Variants in CYP4F12 observed in about 807,000 individuals in gnomAD.
CYP4F12 encodes cytochrome P450 4F12.
A neutral mutation model predicts 56.5 loss-of-function variants in CYP4F12; 60 were observed. The observed-to-expected ratio is 1.06, with a 90% CI of 0.86 to 1.32. The LOEUF (loss-of-function observed/expected upper bound fraction) is 1.32, where lower values mean the gene tolerates loss of function less well. Ranked by LOEUF, CYP4F12 falls within the 40% of genes most tolerant of loss-of-function variation. CYP4F12 has a pLI of 0.00. For missense variants in CYP4F12, 711 were observed against 683.5 expected (o/e 1.04, Z -0.45); for synonymous variants, 263 against 264.9 (o/e 0.99, Z 0.07).
intron 6 of CYP4F12, 65 bp downstream of exon 6, chr19:15,682,575 G>A (rs1041947181): frequency 1.5e-5 from 24 of 1,600,876 alleles, no homozygotes; most frequent in Non-Finnish European, 1.9e-5. Flanking sequence ...TGGGGAGGGA[G>A]GAATGAGCAA....
At chr19:15,687,139 T>C (rs2007651055) in intron 9 of CYP4F12, among the ~76,000 whole-genome samples, 1 of 152,116 alleles carries the variant, frequency 6.6e-6, no homozygotes, top group Admixed American at 6.5e-5. Context: ...TAGCCGGGCG[T>C]GATGGCAGGT....
chr19:15,686,014 CT>C (rs1258432720), intron 9 of CYP4F12, among the ~76,000 whole-genome samples: 1 of 152,198 alleles, frequency 6.6e-6, no homozygotes, highest in East Asian at 1.9e-4. Context: ...CTCTGGAGAC[CT>C]GGAAAGAACC....
At chr19:15,687,075 A>G (rs1599982246) in intron 9 of CYP4F12, among the ~76,000 whole-genome samples, 2 of 152,184 alleles carry the variant, frequency 1.3e-5, no homozygotes, top group South Asian at 4.1e-4. Context: ...CAGGAGATCG[A>G]GACCATCCTG....
At chr19:15,676,932 C>CT (rs1568413782) in intron 2 of CYP4F12, among the ~76,000 whole-genome samples, 3 of 62,390 alleles carry the variant, frequency 4.8e-5, no homozygotes, top group African/African-American at 1.6e-4. Flanking sequence ...CATTCCTCTC[C>CT]CCACTCACTC....
chr19:15,695,705 C>T (rs1204082436), intron 9 of CYP4F12, among the ~76,000 whole-genome samples: 18 of 152,106 alleles, frequency 1.2e-4, no homozygotes. Context: ...CCGCTGGCTT[C>T]TGGGTGTTTT....
rs2007505778 is a variant in CYP4F12, at chr19:15,684,755, T to TG, written c.919-61_919-60insG. 7.8e-5 allele frequency: 107 copies of TG among 1,373,562 alleles called. No homozygotes were observed. The South Asian group carries it at 1.2e-3, about 15-fold the overall frequency. The allele number at this position is 1,373,562 out of a possible 1,614,324, so 85.1% of individuals were successfully genotyped here. A position where few individuals can be genotyped will look rare whatever the true frequency, so the allele number is the denominator to read the frequency against. On this transcript the variant is annotated intron_variant, in intron 7 of 12. Coordinates refer to ENST00000550308, the MANE Select transcript of CYP4F12 (RefSeq NM_023944.4). ...CTCCGGAGTCTCAGAGATAGTATAA[T>TG]TTGTGTGTGTGTGTGTGTGTGTGTG...
intron 7 of CYP4F12, 79 bp downstream of exon 7, chr19:15,683,842 A>T (rs2007452898): frequency 1.4e-6 from 2 of 1,478,030 alleles, no homozygotes; most frequent in Non-Finnish European, 1.8e-6. Flanking sequence ...ATTGGTTTTG[A>T]TCCAAAGGGC....
intron 11 of CYP4F12, 79 bp downstream of exon 11, chr19:15,696,304 T>C: frequency 1.9e-6 from 3 of 1,611,570 alleles, no homozygotes; most frequent in Middle Eastern, 1.7e-4. Flanking sequence ...AGGTTCCTAG[T>C]GGAGGGGGCA....
chr19:15,680,672 A>T, intron 5 of CYP4F12, 153 bp downstream of exon 5: 1 of 989,670 alleles, frequency 1.0e-6, no homozygotes. Flanking sequence ...TGGGGATGAT[A>T]ATCCCTACTT....
intron 9 of CYP4F12, among the ~76,000 whole-genome samples, chr19:15,695,099 A>G (rs1337415257): frequency 6.6e-6 from 1 of 152,068 alleles, no homozygotes; most frequent in East Asian, 1.9e-4. Context: ...CTTGGAACCA[A>G]CCCAAATGTC....
At chr19:15,696,768 G>T in intron 12 of CYP4F12, 140 bp from the exon 13 acceptor site, 1 of 1,211,816 alleles carries the variant, frequency 8.3e-7, no homozygotes, top group Non-Finnish European at 1.1e-6. Context: ...GCCCACATGG[G>T]AGTCCCAGGC....
At chr19:15,674,689 C>CACTCA (rs71176764) in intron 2 of CYP4F12, among the ~76,000 whole-genome samples, 2 of 135,390 alleles carry the variant, frequency 1.5e-5, no homozygotes, top group African/African-American at 2.7e-5. Context: ...TCATTCCTCT[C>CACTCA]CTCATTCACT....
rs2007215777 is a variant in CYP4F12 at position 15,680,317 on chromosome 19, AGG to A, written c.397+23_397+24del. 1.2e-6 allele frequency: 2 copies of A among 1,613,022 alleles called. No individual in the cohort carries two copies. ...GGCTGGGTGAGTACCTGCAGGTGAA[AGG>A]GGTTGGGGACAACCTTGCGGGGAGG... On this transcript the variant is annotated intron_variant, in intron 4 of 12. Coordinates refer to ENST00000550308, the MANE Select transcript of CYP4F12 (RefSeq NM_023944.4).
chr19:15,677,129 AT>A (rs2006990711), intron 2 of CYP4F12, among the ~76,000 whole-genome samples: 1 of 15,984 alleles, frequency 6.3e-5, no homozygotes, highest in Non-Finnish European at 1.3e-4. Flanking sequence ...ACTCATTCAT[AT>A]CCTCACTCAC....
intron 9 of CYP4F12, among the ~76,000 whole-genome samples, chr19:15,686,570 A>T (rs2007616993): frequency 6.6e-6 from 1 of 152,110 alleles, no homozygotes; most frequent in South Asian, 2.1e-4. Context: ...AGAGAAAGGA[A>T]CTGAGTTGTG....
rs776057958 is a variant in CYP4F12 at position 15,673,535 on chromosome 19, G to A, written c.6G>A (p.Ser2=). ...CATCCCCTCTGCCCTGCAGGATGTC[G>A]CTGCTGAGCCTGCCCTGGCTGGGCC... The part of the protein sequence containing the change: M[S]LLSLPWLGLR... The change falls in exon 2 of 13, where the codon TCG becomes TCA. Residue 2 remains serine, a synonymous_variant. Transcript: ENST00000550308. 1.4e-5 allele frequency: 23 copies of A among 1,613,108 alleles called. No individual in the cohort carries two copies. The highest frequency in any genetic ancestry group is 1.6e-4 in the Middle Eastern group (1 of 6,078).
intron 9 of CYP4F12, among the ~76,000 whole-genome samples, chr19:15,686,354 G>T (rs1433376471): frequency 1.3e-5 from 2 of 152,206 alleles, no homozygotes; most frequent in Non-Finnish European, 2.9e-5. Flanking sequence ...GTAGGTGTTT[G>T]GATGCAGTAG....
intron 9 of CYP4F12, among the ~76,000 whole-genome samples, chr19:15,689,651 T>C (rs1000017416): frequency 1.3e-5 from 2 of 152,186 alleles, no homozygotes; most frequent in African/African-American, 2.4e-5. Context: ...CACATGCACA[T>C]GCATGCTTAT....
Position 15,673,556 on chromosome 19 carries a change from G to A in CYP4F12, c.27G>A (p.Leu9=), listed in dbSNP as rs1442877747. ...TGTCGCTGCTGAGCCTGCCCTGGCT[G>A]GGCCTCAGACCGGTGGCAACGTCCC... MSLLSLPW[L]GLRPVATSPW... The change falls in exon 2 of 13, where the codon CTG becomes CTA. Residue 9 remains leucine, a synonymous_variant. Transcript: ENST00000550308. 3 of 1,613,996 alleles carry A rather than the reference G, an allele frequency of 1.9e-6. No individual in the cohort carries two copies. Among genetic ancestry groups the A allele is most frequent in the Admixed American group, 3.3e-5 (2 of 60,024 alleles).
Sources: allele counts gnomAD v4.1 joint callset (sites outside exome capture counted in the v4.1 genomes callset), GRCh38; gene constraint gnomAD v4.1.1; transcripts MANE v1.5; gene names NCBI Gene and HGNC (gene_info 2026-07-23, HGNC 2026-07-21).